The following ATP2C2 variants were observed in gnomAD, a reference collection of about 807,000 sequenced individuals.
ATP2C2 encodes the protein ATPase secretory pathway Ca2+ transporting 2.
In ATP2C2, 171 loss-of-function variants were observed where a neutral mutation model predicts 110.8. The observed-to-expected ratio is 1.54, with a 90% CI of 1.36 to 1.75. The LOEUF is 1.75. Among genes scored for constraint, ATP2C2 ranks in the 40% most tolerant of loss-of-function variants. The pLI is 0.00. For synonymous variants in ATP2C2, 804 were observed against 508.4 expected (o/e 1.58, Z -7.82); for missense variants, 1,963 against 1,235.0 (o/e 1.59, Z -8.84).
At chr16:84,409,047 C>G (rs1045138006) in intron 4 of ATP2C2, among the ~76,000 whole-genome samples, 2 of 152,100 alleles carry the variant, frequency 1.3e-5, no homozygotes, top group African/African-American at 4.8e-5. Context: ...CTCCTACCAG[C>G]CCTTGGCAAC....
At chr16:84,445,616 G>C (rs963642776) in intron 15 of ATP2C2, among the ~76,000 whole-genome samples, 1 of 152,148 alleles carries the variant, frequency 6.6e-6, no homozygotes, top group Non-Finnish European at 1.5e-5. Flanking sequence ...CAGAGGTTCC[G>C]AGGTTAGGAC....
chr16:84,423,562 G>T (rs1057257937), intron 10 of ATP2C2, among the ~76,000 whole-genome samples: 2 of 152,202 alleles, frequency 1.3e-5, no homozygotes, highest in African/African-American at 4.8e-5. Context: ...TGGATAGCTC[G>T]CCTACAAACA....
At chr16:84,429,610 C>G (rs900788286) in intron 11 of ATP2C2, among the ~76,000 whole-genome samples, 1 of 152,086 alleles carries the variant, frequency 6.6e-6, no homozygotes, top group Non-Finnish European at 1.5e-5. Flanking sequence ...TTCCCACCTT[C>G]AAAGATTGTA....
In ATP2C2 at chr16:84,411,287, C is replaced by G. The variant is rs182113624; in HGVS notation, c.515+522C>G. ...CAGTTTTCCATTGGTTACTGCACGG[C>G]TCTTACCAAAGATGTTTAACAAGGA... is the stretch of plus-strand genomic sequence containing the variant. On this transcript the variant is annotated intron_variant, in intron 6 of 26. Coordinates refer to ENST00000262429, the MANE Select transcript of ATP2C2 (RefSeq NM_014861.4). Among the ~76,000 whole-genome samples the G allele has an allele frequency of 3.8e-4, 57 of 148,872 alleles. No homozygotes were observed. In the East Asian group the frequency reaches 9.5e-3, roughly 25 times the overall value.
At chr16:84,447,052 A>G (rs928513710) in intron 16 of ATP2C2, among the ~76,000 whole-genome samples, 8 of 152,014 alleles carry the variant, frequency 5.3e-5, no homozygotes, top group African/African-American at 1.9e-4. Flanking sequence ...GATTTTTAAA[A>G]TTTTCTTTTC....
chr16:84,368,737 C>T (rs1285863492), intron 1 of ATP2C2, 23 bp downstream of exon 1: 2 of 1,489,296 alleles, frequency 1.3e-6, no homozygotes, highest in African/African-American at 1.5e-5. Flanking sequence ...GACTCCGCGC[C>T]GGGCGTGCGA....
Position 84,422,523 on chromosome 16 carries a change from A to T in ATP2C2, c.758A>T (p.Gln253Leu), listed in dbSNP as rs368931246. The T allele has an allele frequency of 6.2e-7, 1 of 1,614,032 alleles. No homozygotes were observed. Among genetic ancestry groups the T allele is most frequent in the South Asian group, 1.1e-5 (1 of 91,056 alleles). Residue 253 changes from glutamine (Q) to leucine (L), a missense_variant, in exon 8 of 27, where the codon CAG becomes CTG. Transcript: ENST00000262429. Reference sequence around the variant, plus strand: ...ATCGTCTTCATGGGGACCCTGGTGCAGTATGGGAGGGGCCAGGTAAGCCCT... The same window carrying T: ...ATCGTCTTCATGGGGACCCTGGTGCTGTATGGGAGGGGCCAGGTAAGCCCT... ...SNIVFMGTLV[Q>L]YGRGQGVVIG...
chr16:84,393,739 G>A (rs1904800446), intron 1 of ATP2C2, among the ~76,000 whole-genome samples: 1 of 151,760 alleles, frequency 6.6e-6, no homozygotes, highest in Non-Finnish European at 1.5e-5. Flanking sequence ...GGGAGGCTAT[G>A]GGTGTGGGGG....
chr16:84,431,557 G>C (rs570668144), intron 11 of ATP2C2, among the ~76,000 whole-genome samples: 8 of 152,022 alleles, frequency 5.3e-5, no homozygotes, highest in African/African-American at 1.9e-4. Flanking sequence ...GAGGGTTATG[G>C]GTAGAGAGTT....
At position 84,446,581 on chromosome 16, in the gene ATP2C2, C is replaced by T. The variant is rs549129160; in HGVS notation, c.1503+151C>T. On this transcript the variant is annotated intron_variant, in intron 16 of 26. Coordinates refer to ENST00000262429, the MANE Select transcript of ATP2C2 (RefSeq NM_014861.4). ...ATGGAAAAACTTAATCACCATCATA[C>T]CTTTGATTCTCTTGGGTCTGCTTCT... is the stretch of plus-strand genomic sequence containing the variant. The T allele has an allele frequency of 2.7e-5, 14 of 513,954 alleles. No homozygotes were observed. In the Admixed American group the frequency reaches 5.6e-4, roughly 21 times the overall value. 31.8% of individuals were successfully genotyped at this position (513,954 alleles called of 1,614,324 possible).
At chr16:84,452,867 G>C (rs1365315247) in intron 18 of ATP2C2, among the ~76,000 whole-genome samples, 1 of 152,182 alleles carries the variant, frequency 6.6e-6, no homozygotes, top group Non-Finnish European at 1.5e-5. Context: ...TTTGGAATCA[G>C]AGCCGTGTCA....
intron 2 of ATP2C2, among the ~76,000 whole-genome samples, chr16:84,399,953 A>G (rs1283343184): frequency 2.0e-5 from 3 of 152,180 alleles, no homozygotes; most frequent in East Asian, 3.9e-4. Context: ...TACTATCTCC[A>G]TGAGTTCAGT....
chr16:84,439,444 T>G lies in ATP2C2; in HGVS notation c.1129T>G (p.Cys377Gly). Residue 377 changes from cysteine (C) to glycine (G), a missense_variant, in exon 13 of 27, where the codon TGT becomes GGT. Transcript: ENST00000262429. ...VETLGCCSVLCSDKTGTLTAN... is the reference protein window; with the variant it reads ...VETLGCCSVLGSDKTGTLTAN... ...TGTACCAGGTTGCTGCAGCGTTCTC[T>G]GTTCTGACAAGACGGGGACTCTGAC... The G allele has an allele frequency of 6.2e-7, 1 of 1,614,186 alleles. No homozygotes were observed. The highest frequency in any genetic ancestry group is 8.5e-7 in the Non-Finnish European group (1 of 1,180,032).
chr16:84,394,741 C>G (rs1904869295), intron 1 of ATP2C2, among the ~76,000 whole-genome samples: 1 of 152,122 alleles, frequency 6.6e-6, no homozygotes, highest in African/African-American at 2.4e-5. Context: ...ACTCCAGCCT[C>G]TGCCTCCATC....
At chr16:84,403,150 G>C (rs1427471228) in intron 2 of ATP2C2, among the ~76,000 whole-genome samples, 1 of 151,712 alleles carries the variant, frequency 6.6e-6, no homozygotes, top group Non-Finnish European at 1.5e-5. Flanking sequence ...ATTTCTGTTT[G>C]TATTTATTTG....
chr16:84,406,642 G>C (rs1165569058), intron 3 of ATP2C2: 3 of 985,404 alleles, frequency 3.0e-6, no homozygotes, highest in Non-Finnish European at 2.4e-6. Context: ...AGCAAAATAG[G>C]CTTCTGGGTA....
chr16:84,390,705 G>A (rs887909094), intron 1 of ATP2C2, among the ~76,000 whole-genome samples: 2 of 152,158 alleles, frequency 1.3e-5, no homozygotes, highest in Admixed American at 6.5e-5. Flanking sequence ...TGAGCTCCAC[G>A]TGGTGCCTGC....
chr16:84,380,965 G>C lies in ATP2C2; in HGVS notation c.99+12251G>C, dbSNP rs577895917. Among the ~76,000 whole-genome samples the C allele has an allele frequency of 6.6e-4, 101 of 152,288 alleles. 2 individuals carry two copies. Among genetic ancestry groups the C allele is most frequent in the Admixed American group, 6.6e-3 (101 of 15,286 alleles). ...AGAGGCCGAGGCGGGCGGATCATGA[G>C]GTCAGGAGTTTGAGATCAGCCCGGC... On this transcript the variant is annotated intron_variant, in intron 1 of 26. Coordinates refer to ENST00000262429, the MANE Select transcript of ATP2C2 (RefSeq NM_014861.4).
At chr16:84,380,504 G>C (rs1050644351) in intron 1 of ATP2C2, among the ~76,000 whole-genome samples, 1 of 152,150 alleles carries the variant, frequency 6.6e-6, no homozygotes, top group Admixed American at 6.5e-5. Context: ...CTTGGGGTTG[G>C]GGGAGGCGGA....
Sources: allele counts gnomAD v4.1 joint callset (sites outside exome capture counted in the v4.1 genomes callset), GRCh38; gene constraint gnomAD v4.1.1; transcripts MANE v1.5; gene names NCBI Gene and HGNC (gene_info 2026-07-23, HGNC 2026-07-21).